TPD52: variants seen among roughly 807,000 people sequenced by gnomAD.
TPD52 encodes tumor protein D52, also known as prostate and colon associated protein.
A neutral mutation model predicts 31.3 loss-of-function variants in TPD52; 17 were observed. That is an observed-to-expected ratio of 0.54 (90% CI 0.37 to 0.82). TPD52 has a LOEUF of 0.82. Ranked by LOEUF, TPD52 falls within the 40% of genes least tolerant of loss-of-function variation. TPD52 has a pLI of 0.00. For synonymous variants in TPD52, 83 were observed against 89.6 expected, an observed-to-expected ratio of 0.93 and a Z score of 0.42; for missense variants, 212 against 240.1, an observed-to-expected ratio of 0.88 and a Z score of 0.77.
chr8:80,093,092 T>C (rs1370453364), intron 1 of TPD52, among the ~76,000 whole-genome samples: 1 of 152,110 alleles, frequency 6.6e-6, no homozygotes, highest in African/African-American at 2.4e-5. Context: ...AGCAGGCAAG[T>C]TCAGATAGGA....
chr8:80,096,678 T>C (rs142866333), intron 1 of TPD52, among the ~76,000 whole-genome samples: 2 of 152,300 alleles, frequency 1.3e-5, no homozygotes, highest in African/African-American at 4.8e-5. Context: ...GATGTTACTA[T>C]TGTAATTGTT....
chr8:80,103,212 G>A (rs1465503), intron 1 of TPD52, among the ~76,000 whole-genome samples: 101,118 of 152,028 alleles, frequency 0.67, 34,966 homozygotes, highest in African/African-American at 0.87. Flanking sequence ...AAAAAATTCT[G>A]ATTGAGTCTG....
At chr8:80,087,304 C>G (rs1018786584) in intron 1 of TPD52, among the ~76,000 whole-genome samples, 4 of 152,176 alleles carry the variant, frequency 2.6e-5, no homozygotes, top group African/African-American at 4.8e-5. Flanking sequence ...CTCCCTCCCC[C>G]ACACCTGTGT....
chr8:80,047,777 A>C (rs1008440808), intron 5 of TPD52, among the ~76,000 whole-genome samples: 23 of 152,250 alleles, frequency 1.5e-4, no homozygotes, highest in African/African-American at 5.3e-4. Flanking sequence ...ATTGTCTAGC[A>C]GGACTTTAAT....
chr8:80,110,211 TTAAC>T (rs1807406879), intron 1 of TPD52, among the ~76,000 whole-genome samples: 1 of 152,200 alleles, frequency 6.6e-6, no homozygotes, highest in Non-Finnish European at 1.5e-5. Context: ...CGTGGGGACT[TTAAC>T]TAAGAAGCTA....
intron 1 of TPD52, among the ~76,000 whole-genome samples, chr8:80,136,406 C>T (rs1176541343): frequency 1.3e-5 from 2 of 150,712 alleles, no homozygotes; most frequent in South Asian, 2.1e-4. Flanking sequence ...CACCTGTAGT[C>T]CCAGCTACTC....
intron 1 of TPD52, among the ~76,000 whole-genome samples, chr8:80,135,746 T>C (rs1022612778): frequency 5.4e-5 from 8 of 147,844 alleles, no homozygotes; most frequent in Non-Finnish European, 1.2e-4. Flanking sequence ...TGTCCAACAA[T>C]GATAGACTGG....
At chr8:80,056,623 A>G (rs1027407411) in intron 2 of TPD52, among the ~76,000 whole-genome samples, 4 of 152,218 alleles carry the variant, frequency 2.6e-5, no homozygotes, top group African/African-American at 9.6e-5. Flanking sequence ...TTCATTAGTA[A>G]TTTGAGAAAT....
At chr8:80,168,217 A>T (rs973615251) in intron 1 of TPD52, among the ~76,000 whole-genome samples, 1 of 152,246 alleles carries the variant, frequency 6.6e-6, no homozygotes, top group African/African-American at 2.4e-5. Flanking sequence ...AGAGCATTAG[A>T]ATACTCGTGG....
chr8:80,061,445 T>C (rs1812540748), intron 2 of TPD52, among the ~76,000 whole-genome samples: 1 of 143,674 alleles, frequency 7.0e-6, no homozygotes, highest in Non-Finnish European at 1.5e-5. Flanking sequence ...CTTATGCCTG[T>C]AATCCCAGCA....
intron 1 of TPD52, among the ~76,000 whole-genome samples, chr8:80,143,375 T>C (rs1809970134): frequency 6.6e-6 from 1 of 152,182 alleles, no homozygotes; most frequent in African/African-American, 2.4e-5. Context: ...GGGTCCAGGG[T>C]TGAAAACATA....
intron 1 of TPD52, among the ~76,000 whole-genome samples, chr8:80,072,350 T>C (rs969101775): frequency 7.0e-6 from 1 of 142,160 alleles, no homozygotes; most frequent in Non-Finnish European, 1.5e-5. Flanking sequence ...TGTGTGTGTA[T>C]GTGTGTATAT....
intron 2 of TPD52, among the ~76,000 whole-genome samples, chr8:80,055,337 T>C (rs1811765521): frequency 6.6e-6 from 1 of 152,174 alleles, no homozygotes. Context: ...TAATTCAATA[T>C]ATACATGTAA....
chr8:80,110,599 A>AG (rs1349147118), intron 1 of TPD52, among the ~76,000 whole-genome samples: 3 of 151,384 alleles, frequency 2.0e-5, no homozygotes, highest in Non-Finnish European at 4.4e-5. Flanking sequence ...AATGAAAAAA[A>AG]AAAAGGAGGA....
rs1809884286 is a variant in TPD52, at chr8:80,036,071, T to C, written c.*2045A>G. 1 of 152,196 alleles carries C rather than the reference T, an allele frequency of 6.6e-6. No individual in the cohort carries two copies. The highest frequency in any genetic ancestry group is 2.1e-4 in the South Asian group (1 of 4,824). The allele number at this position is 152,196 out of a possible 1,614,324, so 9.4% of individuals were successfully genotyped here. On this transcript the variant is annotated 3_prime_UTR_variant, in exon 8 of 8. Coordinates refer to ENST00000518937, the MANE Select transcript of TPD52 (RefSeq NM_001025253.3). ...CTTAGATTAAGTATAGGTAGATGTC[T>C]AGAAAAGTGATTCTCCATTATTTTC...
At chr8:80,107,582 G>A (rs1227756709) in intron 1 of TPD52, among the ~76,000 whole-genome samples, 1 of 152,142 alleles carries the variant, frequency 6.6e-6, no homozygotes, top group African/African-American at 2.4e-5. Context: ...TTGTGTGTGT[G>A]TGTGTCTATA....
At chr8:80,072,380 C>CATGTACACATAGATATGT (rs1813945355) in intron 1 of TPD52, among the ~76,000 whole-genome samples, 1 of 103,174 alleles carries the variant, frequency 9.7e-6, no homozygotes, top group Admixed American at 9.0e-5. Context: ...CATAGATATG[C>CATGTACACATAGATATGT]GTGTATATAC....
At chr8:80,141,269 A>ATC (rs1312539333) in intron 1 of TPD52, among the ~76,000 whole-genome samples, 1 of 152,172 alleles carries the variant, frequency 6.6e-6, no homozygotes, top group Non-Finnish European at 1.5e-5. Context: ...CCAGTGGGTC[A>ATC]TCTCTATGAC....
intron 3 of TPD52, chr8:80,051,960 C>G (rs1020200532): frequency 4.4e-6 from 1 of 225,548 alleles, no homozygotes; most frequent in East Asian, 9.4e-5. Context: ...GAACTCATAC[C>G]TATTGTTCTT....
Sources: gnomAD v4.1 joint callset for allele counts (sites outside exome capture counted in the v4.1 genomes callset) on GRCh38, gnomAD v4.1.1 for gene constraint, MANE v1.5 for transcripts, NCBI Gene and HGNC (gene_info 2026-07-23, HGNC 2026-07-21) for gene names.